Variants in SSH2 observed in about 807,000 individuals in gnomAD.
SSH2 encodes the protein protein phosphatase Slingshot homolog 2.
SSH2 carries 37 observed loss-of-function variants against 135.2 expected under a neutral mutation model. The observed-to-expected ratio is 0.27, with a 90% confidence interval of 0.21 to 0.36. SSH2 has a LOEUF of 0.36. SSH2 is among the 10% of genes least tolerant of loss of function. SSH2 has a pLI of 1.00. For synonymous variants in SSH2, 628 were observed against 646.2 expected (o/e 0.97, Z 0.43); for missense variants, 1,408 against 1,765.3 (o/e 0.80, Z 3.63).
intron 1 of SSH2, among the ~76,000 whole-genome samples, chr17:29,864,617 T>G (rs536609813): frequency 7.0e-6 from 1 of 142,500 alleles, no homozygotes; most frequent in African/African-American, 2.5e-5. Flanking sequence ...ATTCACACCC[T>G]CACACAGAGA....
intron 2 of SSH2, among the ~76,000 whole-genome samples, chr17:29,812,434 C>T (rs1331181365): frequency 3.9e-5 from 6 of 152,000 alleles, no homozygotes; most frequent in Admixed American, 3.9e-4. Flanking sequence ...CAGGCACATG[C>T]CACCATGCTT....
chr17:29,815,730 T>G (rs1307123853), intron 2 of SSH2, among the ~76,000 whole-genome samples: 2 of 152,250 alleles, frequency 1.3e-5, no homozygotes, highest in Non-Finnish European at 2.9e-5. Flanking sequence ...CCTTTCCTCC[T>G]TCTTTGTACA....
chr17:29,685,983 G>C (rs1598799611), intron 5 of SSH2, among the ~76,000 whole-genome samples: 1 of 151,362 alleles, frequency 6.6e-6, no homozygotes, highest in East Asian at 2.0e-4. Flanking sequence ...CGAGCAGCTG[G>C]GATTATAGGC....
In SSH2 at chr17:29,628,813, GT is replaced by G. The variant is rs2035572079; in HGVS notation, c.*2027del. On this transcript the variant is annotated 3_prime_UTR_variant, in exon 16 of 16. Transcript: ENST00000540801. ...GAGACGCTTTTAGCAAGTGGTTTCT[GT>G]CCAACCTGCTTCCTGGCAGGGATGT... 6.6e-6 allele frequency: 1 copy of G among 152,274 alleles called. No individual in the cohort carries two copies. Among genetic ancestry groups the G allele is most frequent in the South Asian group, 2.1e-4 (1 of 4,832 alleles). 9.4% of individuals were successfully genotyped at this position (152,274 alleles called of 1,614,324 possible).
chr17:29,754,767 C>T (rs2041061200), intron 3 of SSH2, among the ~76,000 whole-genome samples: 1 of 152,094 alleles, frequency 6.6e-6, no homozygotes, highest in Non-Finnish European at 1.5e-5. Flanking sequence ...CTCTGGCTCA[C>T]ACCATCCTCC....
rs961828418 is a variant in SSH2, at chr17:29,702,944, A to G, written c.292+15T>C. ...ATAGTTACCAAGAAAGAAATGGTGT[A>G]TATGCAAGCATTACCTGCATGCTTG... On this transcript the variant is annotated intron_variant, in intron 4 of 15. Coordinates refer to ENST00000540801, the MANE Select transcript of SSH2 (RefSeq NM_001282129.2). 2.6e-6 allele frequency: 4 copies of G among 1,562,466 alleles called. No individual in the cohort carries two copies. The highest frequency in any genetic ancestry group is 3.4e-4 in the Middle Eastern group (2 of 5,968).
intron 3 of SSH2, among the ~76,000 whole-genome samples, chr17:29,736,182 C>T (rs535708085): frequency 2.4e-4 from 36 of 152,228 alleles, no homozygotes; most frequent in Non-Finnish European, 3.5e-4. Context: ...CAGTACTAGA[C>T]GTAACAGGAT....
intron 1 of SSH2, 44 bp from the exon 2 acceptor site, chr17:29,848,973 C>A: frequency 7.4e-7 from 1 of 1,347,932 alleles, no homozygotes; most frequent in Non-Finnish European, 1.0e-6. Flanking sequence ...AACGAATGGG[C>A]CCATAAGCAC....
At chr17:29,778,341 C>T (rs573288488) in intron 3 of SSH2, among the ~76,000 whole-genome samples, 1 of 152,072 alleles carries the variant, frequency 6.6e-6, no homozygotes, top group Non-Finnish European at 1.5e-5. Context: ...AATCTATAGT[C>T]ATAAGTCATG....
intron 2 of SSH2, among the ~76,000 whole-genome samples, chr17:29,842,576 T>C (rs751709014): frequency 4.6e-5 from 7 of 152,168 alleles, no homozygotes; most frequent in Non-Finnish European, 8.8e-5. Context: ...AAATCTTATT[T>C]CTCCTCAAAT....
chr17:29,867,581 T>C (rs1455003495), intron 1 of SSH2, among the ~76,000 whole-genome samples: 3 of 152,194 alleles, frequency 2.0e-5, no homozygotes, highest in Admixed American at 6.5e-5. Flanking sequence ...AAAAGGCAGA[T>C]ATTTTAGAGA....
chr17:29,793,523 C>A, intron 3 of SSH2: 1 of 162,108 alleles, frequency 6.2e-6, no homozygotes, highest in Non-Finnish European at 1.3e-5. Context: ...TCCTTGGATG[C>A]TTGGGTGAAA....
intron 1 of SSH2, among the ~76,000 whole-genome samples, chr17:29,914,732 T>C (rs2066852146): frequency 6.6e-6 from 1 of 152,190 alleles, no homozygotes; most frequent in Admixed American, 6.5e-5. Flanking sequence ...CATCTCTATC[T>C]AAAAAGAATT....
chr17:29,843,841 TTCTC>T (rs1282764688), intron 2 of SSH2, among the ~76,000 whole-genome samples: 1 of 152,006 alleles, frequency 6.6e-6, no homozygotes, highest in African/African-American at 2.4e-5. Flanking sequence ...AGGCTAAATC[TTCTC>T]TCTCTCTCAA....
At chr17:29,750,651 T>C (rs1443658473) in intron 3 of SSH2, among the ~76,000 whole-genome samples, 3 of 151,106 alleles carry the variant, frequency 2.0e-5, no homozygotes, top group Non-Finnish European at 4.4e-5. Flanking sequence ...GCCCCCAGAG[T>C]AGCTGGGATT....
At chr17:29,707,598 T>C (rs986454320) in intron 3 of SSH2, among the ~76,000 whole-genome samples, 17 of 151,976 alleles carry the variant, frequency 1.1e-4, no homozygotes. Flanking sequence ...AGATCTTGGC[T>C]CACTGCAACC....
chr17:29,825,451 G>T (rs764193126), intron 2 of SSH2, among the ~76,000 whole-genome samples: 1 of 152,142 alleles, frequency 6.6e-6, no homozygotes, highest in African/African-American at 2.4e-5. Context: ...TGCAGAAGTG[G>T]GAGAAAAGAT....
chr17:29,735,173 C>G (rs2040324060), intron 3 of SSH2, among the ~76,000 whole-genome samples: 1 of 152,050 alleles, frequency 6.6e-6, no homozygotes, highest in Admixed American at 6.6e-5. Context: ...TTTCCTGGTC[C>G]AAAGCTCTGG....
intron 6 of SSH2, among the ~76,000 whole-genome samples, chr17:29,680,732 C>A (rs180675639): frequency 6.6e-6 from 1 of 151,750 alleles, no homozygotes; most frequent in Non-Finnish European, 1.5e-5. Context: ...ATGAGATGAG[C>A]GCACAAAAAA....
Sources: gnomAD v4.1 joint callset for allele counts (sites outside exome capture counted in the v4.1 genomes callset) on GRCh38, gnomAD v4.1.1 for gene constraint, MANE v1.5 for transcripts, NCBI Gene and HGNC (gene_info 2026-07-23, HGNC 2026-07-21) for gene names.